N4BP2L1: variants seen among roughly 807,000 people sequenced by gnomAD.
N4BP2L1 encodes NEDD4-binding protein 2-like 1.
A neutral mutation model predicts 21.2 loss-of-function variants in N4BP2L1; 12 were observed. The ratio of observed to expected loss-of-function variants is 0.57; its 90% confidence interval spans 0.36 to 0.92. The LOEUF is 0.92. N4BP2L1 is among the 40% of genes least tolerant of loss of function. N4BP2L1 has a pLI of 0.01. For missense variants in N4BP2L1, 259 were observed against 310.6 expected (o/e 0.83, Z 1.25); for synonymous variants, 104 against 112.8 (o/e 0.92, Z 0.49).
In N4BP2L1 at chr13:32,401,573, TG is replaced by T. The variant is rs1360881869; in HGVS notation, c.*1368del. ...TATATAAGCAACTAAATTATAAGGC[TG>T]CTTTTGTCATTACCTTTACGATTCC... On this transcript the variant is annotated 3_prime_UTR_variant, in exon 5 of 5. Coordinates refer to ENST00000380130, the MANE Select transcript of N4BP2L1 (RefSeq NM_052818.3). 3 of 152,578 alleles carry T rather than the reference TG, an allele frequency of 2.0e-5. No homozygotes were observed. The East Asian group carries it at 5.8e-4, about 29-fold the overall frequency. 9.5% of individuals were successfully genotyped at this position (152,578 alleles called of 1,614,324 possible).
At chr13:32,415,270 C>T (rs998792106) in intron 1 of N4BP2L1, among the ~76,000 whole-genome samples, 4 of 152,092 alleles carry the variant, frequency 2.6e-5, no homozygotes, top group Non-Finnish European at 5.9e-5. Context: ...GGCAAGGGGG[C>T]CCTGAAAACT....
At chr13:32,411,518 C>T (rs2073858387) in intron 1 of N4BP2L1, 1 of 985,140 alleles carries the variant, frequency 1.0e-6, no homozygotes, top group African/African-American at 1.7e-5. Flanking sequence ...TAAGTGGAAG[C>T]AATAAATACC....
intron 1 of N4BP2L1, among the ~76,000 whole-genome samples, chr13:32,423,370 G>C (rs1160572932): frequency 1.3e-5 from 2 of 152,198 alleles, no homozygotes; most frequent in South Asian, 4.1e-4. Flanking sequence ...AAAGGAACCA[G>C]AACATTGCAA....
intron 1 of N4BP2L1, among the ~76,000 whole-genome samples, chr13:32,421,502 C>G (rs2074475293): frequency 6.6e-6 from 1 of 152,174 alleles, no homozygotes; most frequent in South Asian, 2.1e-4. Flanking sequence ...TATAAGATCA[C>G]TTGGTGTATT....
In N4BP2L1 at chr13:32,402,403, G is replaced by A. The variant is rs1307628857; in HGVS notation, c.*539C>T. 1.3e-6 allele frequency: 1 copy of A among 798,008 alleles called. No homozygotes were observed. The highest frequency in any genetic ancestry group is 1.5e-6 in the Non-Finnish European group (1 of 659,284). The allele number at this position is 798,008 out of a possible 1,614,324, so 49.4% of individuals were successfully genotyped here. A position where few individuals can be genotyped will look rare whatever the true frequency, so the allele number is the denominator to read the frequency against. Reference sequence around the variant, plus strand: ...TTTGAAGGACAATGTTCCCTTAGATGTATGCTTTCTGGCATATTAACATTA... The same window carrying A: ...TTTGAAGGACAATGTTCCCTTAGATATATGCTTTCTGGCATATTAACATTA... On this transcript the variant is annotated 3_prime_UTR_variant, in exon 5 of 5. Coordinates refer to ENST00000380130, the MANE Select transcript of N4BP2L1 (RefSeq NM_052818.3).
rs1244121584 is a variant in N4BP2L1, at chr13:32,428,037, G to A, written c.46C>T (p.Pro16Ser). 3 of 1,544,096 alleles carry A rather than the reference G, an allele frequency of 1.9e-6. No homozygotes were observed. Among genetic ancestry groups the A allele is most frequent in the Non-Finnish European group, 2.6e-6 (3 of 1,148,486 alleles). Residue 16 changes from proline (P) to serine (S), a missense_variant, in exon 1 of 5, where the codon CCC becomes TCC. Transcript: ENST00000380130. Reference sequence around the variant, plus strand: ...CGCTGCCGCTGCTGCTGCTGCTGGGGCTGGAGGCTCAGCCTCCCAAAAGAT... The same window carrying A: ...CGCTGCCGCTGCTGCTGCTGCTGGGACTGGAGGCTCAGCCTCCCAAAAGAT... ...LQSFGRLSLQ[P>S]QQQQQRQRPP...
chr13:32,411,639 TAGAA>T lies in N4BP2L1; in HGVS notation c.180-3871_180-3868del, dbSNP rs2073866781. ...GAGAATGAAAATAAAAGGGAAAAAA[TAGAA>T]AGATAATTAATTCCATATAACCTTC... is the stretch of plus-strand genomic sequence containing the variant. On this transcript the variant is annotated intron_variant, in intron 1 of 4. Transcript: ENST00000380130. 3 of 984,998 alleles carry T rather than the reference TAGAA, an allele frequency of 3.0e-6. No homozygotes were observed. In the African/African-American group the frequency reaches 5.2e-5, roughly 17 times the overall value. The allele number at this position is 984,998 out of a possible 1,614,324, so 61.0% of individuals were successfully genotyped here. A position where few individuals can be genotyped will look rare whatever the true frequency, so the allele number is the denominator to read the frequency against.
intron 1 of N4BP2L1, chr13:32,424,984 A>T (rs2074683690): frequency 6.6e-6 from 1 of 152,210 alleles, no homozygotes; most frequent in Admixed American, 6.5e-5. Context: ...AAGCAGAAAA[A>T]GATGAACCCA....
At chr13:32,418,895 AC>A (rs981351896) in intron 1 of N4BP2L1, among the ~76,000 whole-genome samples, 25 of 152,146 alleles carry the variant, frequency 1.6e-4, no homozygotes, top group South Asian at 1.2e-3. Flanking sequence ...CAATGCCTGT[AC>A]CCCCATTGTA....
chr13:32,429,288 C>T (rs968553081), upstream of N4BP2L1, among the ~76,000 whole-genome samples: 4 of 152,142 alleles, frequency 2.6e-5, no homozygotes, highest in African/African-American at 9.7e-5. Flanking sequence ...TGGGATAGGG[C>T]GGAGTGGGAG....
chr13:32,406,402 ATTT>A (rs1593234671), intron 3 of N4BP2L1: 1 of 152,270 alleles, frequency 6.6e-6, no homozygotes, highest in South Asian at 2.1e-4. Flanking sequence ...AGTTGTTTTT[ATTT>A]ATATTTGCAT....
At chr13:32,425,798 T>C (rs959303875) in intron 1 of N4BP2L1, 2 of 152,026 alleles carry the variant, frequency 1.3e-5, no homozygotes, top group Admixed American at 1.3e-4. Context: ...GGATCTTTAA[T>C]AAATCCTATA....
intron 1 of N4BP2L1, chr13:32,411,392 C>T: frequency 5.0e-6 from 2 of 398,284 alleles, no homozygotes; most frequent in Non-Finnish European, 6.8e-6. Flanking sequence ...TTATCTCCAC[C>T]TAAATGTTAA....
rs1279680498 is a variant in N4BP2L1, at chr13:32,402,503, T to TAAAACTTTTCC, written c.*438_*439insGGAAAAGTTTT. 16 of 282,692 alleles carry TAAAACTTTTCC rather than the reference T, an allele frequency of 5.7e-5. No individual in the cohort carries two copies. Among genetic ancestry groups the TAAAACTTTTCC allele is most frequent in the Admixed American group, 1.8e-4 (1 of 5,624 alleles). 17.5% of individuals were successfully genotyped at this position (282,692 alleles called of 1,614,324 possible). ...TAGATTATCAAAGTAGCAATGGCAC[T>TAAAACTTTTCC]TTGATAAGTAGCAATGCCCCCCCAC... is the stretch of plus-strand genomic sequence containing the variant. On this transcript the variant is annotated 3_prime_UTR_variant, in exon 5 of 5. Coordinates refer to ENST00000380130, the MANE Select transcript of N4BP2L1 (RefSeq NM_052818.3).
chr13:32,428,696 T>C (rs969672698), upstream of N4BP2L1, among the ~76,000 whole-genome samples: 6 of 152,228 alleles, frequency 3.9e-5, no homozygotes, highest in Non-Finnish European at 7.3e-5. Context: ...TACATAACTT[T>C]AAATCTCTCC....
chr13:32,405,892 CTTTTTTTTTTTTTTT>C (rs754694153), intron 3 of N4BP2L1, among the ~76,000 whole-genome samples: 8 of 101,192 alleles, frequency 7.9e-5, no homozygotes, highest in African/African-American at 2.7e-4. Context: ...TTCCTGCCCC[CTTTTTTTTTTTTTTT>C]TTTTTTTTTT....
rs752616019 is a variant in N4BP2L1, at chr13:32,403,002, G to A, written c.672C>T (p.His224=). 1.2e-5 allele frequency: 20 copies of A among 1,613,960 alleles called. No individual in the cohort carries two copies. The East Asian group carries it at 2.7e-4, about 22-fold the overall frequency. The part of the protein sequence containing the change: ...SYTEFPNRRA[H]GGFTNESSYH... ...AGGAGCTCTCATTTGTAAATCCACC[G>A]TGGGCCCTCCGGTTTGGAAACTCTG... The change falls in exon 5 of 5, where the codon CAC becomes CAT. Residue 224 remains histidine, a synonymous_variant. Coordinates refer to ENST00000380130, the MANE Select transcript of N4BP2L1 (RefSeq NM_052818.3).
chr13:32,401,520 TA>T lies in N4BP2L1; in HGVS notation c.*1421del, dbSNP rs2073128662. On this transcript the variant is annotated 3_prime_UTR_variant, in exon 5 of 5. Transcript: ENST00000380130. Reference sequence around the variant, plus strand: ...AGGTTTCAGTAGTGTCAGATAACGTTAAAACAGTCTCATGTACACAGATCAA... The same window carrying T: ...AGGTTTCAGTAGTGTCAGATAACGTTAAACAGTCTCATGTACACAGATCAA... 6.6e-6 allele frequency: 1 copy of T among 152,170 alleles called. No homozygotes were observed. Among genetic ancestry groups the T allele is most frequent in the Non-Finnish European group, 1.5e-5 (1 of 68,020 alleles). 9.4% of individuals were successfully genotyped at this position (152,170 alleles called of 1,614,324 possible).
rs181747996 is a variant in N4BP2L1, at chr13:32,414,602, C to T, written c.180-6830G>A. 4.4e-4 allele frequency among the ~76,000 whole-genome samples: 67 copies of T among 152,224 alleles called. 1 individual carries two copies. The highest frequency in any genetic ancestry group is 3.3e-3 in the Admixed American group (51 of 15,298). Reference sequence around the variant, plus strand: ...TCTTTTCTTCTTGTTTGTGATTCCTCTCATGGTTGGCTAAGATTGGTTGTT... The same window carrying T: ...TCTTTTCTTCTTGTTTGTGATTCCTTTCATGGTTGGCTAAGATTGGTTGTT... On this transcript the variant is annotated intron_variant, in intron 1 of 4. Transcript: ENST00000380130.
Sources: allele counts gnomAD v4.1 joint callset (sites outside exome capture counted in the v4.1 genomes callset), GRCh38; gene constraint gnomAD v4.1.1; transcripts MANE v1.5; gene names NCBI Gene and HGNC (gene_info 2026-07-23, HGNC 2026-07-21).